Variants in CUBN observed in about 807,000 individuals in gnomAD.
CUBN encodes cubilin.
A neutral mutation model predicts 405.3 loss-of-function variants in CUBN; 282 were observed. The ratio of observed to expected loss-of-function variants is 0.70; its 90% confidence interval spans 0.63 to 0.77. CUBN has a LOEUF of 0.77. Among genes scored for constraint, CUBN ranks in the 30% least tolerant of loss-of-function variants. The pLI, the probability that CUBN is intolerant of heterozygous loss-of-function variation, is 0.00. For missense variants in CUBN, 4,514 were observed against 4,475.2 expected, an observed-to-expected ratio of 1.01 and a Z score of -0.25; for synonymous variants, 1,684 against 1,617.0, an observed-to-expected ratio of 1.04 and a Z score of -0.99.
chr10:16,824,635 C>A lies in CUBN; in HGVS notation c.*340G>T. On this transcript the variant is annotated 3_prime_UTR_variant, in exon 67 of 67. Transcript: ENST00000377833. ...TCCTGGGTTCAAGCAATTCTCCTGC[C>A]TCAGCCTCTCGAGTGGCTGGAATTA... is the stretch of plus-strand genomic sequence containing the variant. 2.9e-6 allele frequency: 1 copy of A among 339,288 alleles called. No individual in the cohort carries two copies. Among genetic ancestry groups the A allele is most frequent in the Non-Finnish European group, 5.8e-6 (1 of 172,808 alleles). 21.0% of individuals were successfully genotyped at this position (339,288 alleles called of 1,614,324 possible). A position where few individuals can be genotyped will look rare whatever the true frequency, so the allele number is the denominator to read the frequency against.
In CUBN at chr10:16,937,678, G is replaced by A. The variant is rs147617753; in HGVS notation, c.5840C>T (p.Ser1947Phe). The A allele has an allele frequency of 1.9e-6, 3 of 1,613,920 alleles. No homozygotes were observed. Among genetic ancestry groups the A allele is most frequent in the East Asian group, 4.5e-5 (2 of 44,880 alleles). Residue 1947 changes from serine (S) to phenylalanine (F), a missense_variant, in exon 39 of 67, where the codon TCC becomes TTC. Ser to Phe is a radical substitution (Grantham distance 155, BLOSUM62 -2). Around this residue, in one of 5 missense-constraint regions of CUBN, gnomAD observed 1,613 missense variants for 1,542.8 expected, o/e 1.05. Coordinates refer to ENST00000377833, the MANE Select transcript of CUBN (RefSeq NM_001081.4). ...TGNSLTFHFY[S>F]DSSISGKGFL... ...TCCCTTCCCTGAGATTGAAGAGTCGGAGTAAAAATGAAATGTCAAAGAATT... is the reference window on the plus strand; with the variant it reads ...TCCCTTCCCTGAGATTGAAGAGTCGAAGTAAAAATGAAATGTCAAAGAATT...
chr10:16,941,544 T>A (rs1300104347), intron 36 of CUBN, among the ~76,000 whole-genome samples: 2 of 152,060 alleles, frequency 1.3e-5, no homozygotes, highest in Non-Finnish European at 2.9e-5. Flanking sequence ...ATTAAAGACA[T>A]GAATAAGAAA....
At chr10:16,895,356 CACAT>C (rs935776688) in intron 54 of CUBN, among the ~76,000 whole-genome samples, 11 of 138,842 alleles carry the variant, frequency 7.9e-5, no homozygotes, top group African/African-American at 3.5e-4. Flanking sequence ...CACACACACA[CACAT>C]ATATATACAC....
chr10:17,000,960 C>A (rs1471944326), intron 28 of CUBN, among the ~76,000 whole-genome samples: 2 of 152,204 alleles, frequency 1.3e-5, no homozygotes, highest in Non-Finnish European at 2.9e-5. Flanking sequence ...GTGAGTGTTA[C>A]AGTTCTTAAA....
At chr10:17,044,030 T>G in intron 25 of CUBN, 47 bp from the exon 26 acceptor site, 1 of 1,497,850 alleles carries the variant, frequency 6.7e-7, no homozygotes, top group Non-Finnish European at 9.2e-7. Context: ...CTATAAACAT[T>G]ATGTAAAGGA....
intron 31 of CUBN, among the ~76,000 whole-genome samples, chr10:16,970,333 C>T (rs1049380771): frequency 6.6e-6 from 1 of 152,128 alleles, no homozygotes; most frequent in African/African-American, 2.4e-5. Context: ...CACCTGTAAT[C>T]AGAGGCCGAG....
At chr10:16,916,975 G>C (rs903970613) in intron 45 of CUBN, among the ~76,000 whole-genome samples, 2 of 151,728 alleles carry the variant, frequency 1.3e-5, no homozygotes, top group Non-Finnish European at 2.9e-5. Flanking sequence ...CACCATGCCT[G>C]GCTAATTTTT....
intron 41 of CUBN, among the ~76,000 whole-genome samples, chr10:16,927,832 A>G (rs1842235742): frequency 6.6e-6 from 1 of 152,224 alleles, no homozygotes; most frequent in African/African-American, 2.4e-5. Context: ...GCTGTGCTCT[A>G]TCTAGTTCCA....
intron 20 of CUBN, 133 bp downstream of exon 20, chr10:17,068,472 A>T: frequency 1.0e-6 from 1 of 958,076 alleles, no homozygotes. Flanking sequence ...ATTAGAAAAT[A>T]TACATTCTTT....
At position 16,900,720 on chromosome 10, in the gene CUBN, A is replaced by G. The variant is rs1841337196; in HGVS notation, c.8315T>C (p.Ile2772Thr). Residue 2772 changes from isoleucine to threonine, a missense_variant, in exon 53 of 67, where the codon ATA (isoleucine) becomes ACA (threonine). Ile to Thr is a moderately conservative substitution (Grantham distance 89). Transcript: ENST00000377833. ...QYCGNSNPRT[I>T]QSGSNQLVVT... ...GACCAGCTGATTGGAACCTGACTGT[A>G]TTGTCCTGGGGTTTGAATTTCCACA... 1 of 1,614,132 alleles carries G rather than the reference A, an allele frequency of 6.2e-7. No homozygotes were observed. Among genetic ancestry groups the G allele is most frequent in the Non-Finnish European group, 8.5e-7 (1 of 1,179,996 alleles).
chr10:16,933,355 G>T, intron 39 of CUBN, 71 bp from the exon 40 acceptor site: 1 of 1,361,912 alleles, frequency 7.3e-7, no homozygotes, highest in Non-Finnish European at 1.0e-6. Flanking sequence ...TTTTTCACTT[G>T]AAAGTGACAG....
intron 45 of CUBN, among the ~76,000 whole-genome samples, chr10:16,917,431 A>G (rs1841913964): frequency 1.3e-5 from 2 of 152,194 alleles, no homozygotes; most frequent in Non-Finnish European, 2.9e-5. Context: ...GAGATTAACA[A>G]CAATAACTAA....
intron 41 of CUBN, among the ~76,000 whole-genome samples, chr10:16,925,983 A>G (rs1321290028): frequency 1.3e-5 from 2 of 152,222 alleles, no homozygotes; most frequent in East Asian, 3.8e-4. Flanking sequence ...GAGATCTGGG[A>G]TACAGAGGTA....
chr10:17,091,472 A>T (rs1836258131), intron 14 of CUBN, among the ~76,000 whole-genome samples: 1 of 152,206 alleles, frequency 6.6e-6, no homozygotes, highest in African/African-American at 2.4e-5. Flanking sequence ...TATGAGAGCA[A>T]CCAAATAGCT....
At chr10:17,115,422 T>C (rs2131313945) in intron 7 of CUBN, 49 bp downstream of exon 7, 1 of 1,611,466 alleles carries the variant, frequency 6.2e-7, no homozygotes, top group Non-Finnish European at 8.5e-7. Context: ...GAGGAGGAGC[T>C]ACTAACCATG....
chr10:16,952,065 T>A lies in CUBN; in HGVS notation c.4969+211A>T, dbSNP rs1304798314. ...GGCCTTGACATGAAAAAAAAGAAAT[T>A]GTTTTTAAATTTAGAAGCAACTGTA... On this transcript the variant is annotated intron_variant, in intron 33 of 66. Coordinates refer to ENST00000377833, the MANE Select transcript of CUBN (RefSeq NM_001081.4). Among the ~76,000 whole-genome samples the A allele has an allele frequency of 2.0e-5, 3 of 152,196 alleles. No homozygotes were observed. The East Asian group carries it at 5.8e-4, about 29-fold the overall frequency.
At chr10:17,071,299 G>C in intron 19 of CUBN, 127 bp downstream of exon 19, 1 of 941,686 alleles carries the variant, frequency 1.1e-6, no homozygotes, top group African/African-American at 1.6e-5. Flanking sequence ...TTTTACATAT[G>C]TATCCATAAG....
At chr10:16,947,790 C>A (rs1016478131) in intron 35 of CUBN, among the ~76,000 whole-genome samples, 2 of 152,202 alleles carry the variant, frequency 1.3e-5, no homozygotes, top group African/African-American at 4.8e-5. Context: ...TAGCTTTTAA[C>A]CACTAAAAAC....
intron 28 of CUBN, among the ~76,000 whole-genome samples, chr10:17,004,483 A>G (rs1424093648): frequency 6.6e-6 from 1 of 152,180 alleles, no homozygotes; most frequent in Non-Finnish European, 1.5e-5. Flanking sequence ...GCATGTTCAA[A>G]TAGAAGCTCA....
Sources: allele counts gnomAD v4.1 joint callset (sites outside exome capture counted in the v4.1 genomes callset), GRCh38; gene constraint gnomAD v4.1.1; regional missense constraint gnomAD v4.1.1; transcripts MANE v1.5; gene names NCBI Gene and HGNC (gene_info 2026-07-23, HGNC 2026-07-21).